STK39: variants seen among roughly 807,000 people sequenced by gnomAD.
STK39 encodes serine/threonine kinase 39.
Under a neutral mutation model 77.8 loss-of-function variants are expected in STK39, and 20 were observed. The observed-to-expected ratio is 0.26, with a 90% CI of 0.18 to 0.37. The LOEUF (loss-of-function observed/expected upper bound fraction) is 0.37, where lower values mean the gene tolerates loss of function less well. Ranked by LOEUF, STK39 falls within the 10% of genes least tolerant of loss-of-function variation. STK39 has a pLI of 1.00. For missense variants in STK39, 479 were observed against 656.5 expected (o/e 0.73, Z 2.95); for synonymous variants, 246 against 234.1 (o/e 1.05, Z -0.47).
rs553701879 is a variant in STK39 at position 168,061,369 on chromosome 2, C to T, written c.1376+2131G>A. 2.8e-4 allele frequency among the ~76,000 whole-genome samples: 43 copies of T among 151,922 alleles called. No individual in the cohort carries two copies. The South Asian group carries it at 7.1e-3, about 25-fold the overall frequency. On this transcript the variant is annotated intron_variant, in intron 14 of 17. Coordinates refer to ENST00000355999, the MANE Select transcript of STK39 (RefSeq NM_013233.3). ...CAAAATAACCACATAAAAAGAGTTA[C>T]GAGATCAAATAGGTTTTAGATTAAA...
chr2:168,118,290 T>G (rs766652461), intron 10 of STK39, among the ~76,000 whole-genome samples: 7 of 152,288 alleles, frequency 4.6e-5, no homozygotes, highest in African/African-American at 9.6e-5. Context: ...CATAATATGT[T>G]TGAAGACTAT....
chr2:168,141,121 C>T (rs1483076077), intron 5 of STK39, among the ~76,000 whole-genome samples: 1 of 152,098 alleles, frequency 6.6e-6, no homozygotes, highest in Non-Finnish European at 1.5e-5. Context: ...ATTTTCTGGA[C>T]AATTTTCATA....
At chr2:168,157,539 G>C (rs1429255812) in intron 5 of STK39, among the ~76,000 whole-genome samples, 1 of 152,158 alleles carries the variant, frequency 6.6e-6, no homozygotes, top group Admixed American at 6.6e-5. Context: ...GGCATCGGCA[G>C]ATTCACTATC....
chr2:167,983,050 T>C (rs1186139794), intron 16 of STK39, among the ~76,000 whole-genome samples: 1 of 152,204 alleles, frequency 6.6e-6, no homozygotes, highest in African/African-American at 2.4e-5. Flanking sequence ...TAGATAATTA[T>C]GGAATGGACG....
At chr2:168,031,660 C>T (rs1340248762) in intron 14 of STK39, among the ~76,000 whole-genome samples, 5 of 152,250 alleles carry the variant, frequency 3.3e-5, no homozygotes, top group South Asian at 4.1e-4. Context: ...GACATGTGCC[C>T]GCACAGAGGA....
intron 10 of STK39, among the ~76,000 whole-genome samples, chr2:168,122,883 C>T (rs909131913): frequency 1.3e-5 from 2 of 152,170 alleles, no homozygotes; most frequent in Non-Finnish European, 2.9e-5. Flanking sequence ...AATATATTCA[C>T]TTTATCTTTT....
At chr2:168,089,342 T>C (rs1048583515) in intron 10 of STK39, among the ~76,000 whole-genome samples, 1 of 152,156 alleles carries the variant, frequency 6.6e-6, no homozygotes, top group Non-Finnish European at 1.5e-5. Context: ...AACAGAAGTA[T>C]CTAAAAATTA....
At chr2:168,225,491 GA>G (rs1690281061) in intron 1 of STK39, among the ~76,000 whole-genome samples, 1 of 152,044 alleles carries the variant, frequency 6.6e-6, no homozygotes, top group Non-Finnish European at 1.5e-5. Context: ...AAATCCAGCA[GA>G]AAAGGCAAGA....
At chr2:168,120,434 T>C (rs1043735767) in intron 10 of STK39, among the ~76,000 whole-genome samples, 4 of 152,350 alleles carry the variant, frequency 2.6e-5, no homozygotes, top group South Asian at 4.1e-4. Flanking sequence ...GCATGTCTTG[T>C]GACGTTTGTG....
intron 17 of STK39, among the ~76,000 whole-genome samples, chr2:167,956,437 G>A (rs1691765504): frequency 6.6e-6 from 1 of 152,002 alleles, no homozygotes; most frequent in Non-Finnish European, 1.5e-5. Flanking sequence ...CACACCTGTA[G>A]TGCCAGCTAC....
At chr2:168,032,324 A>T (rs987705299) in intron 14 of STK39, among the ~76,000 whole-genome samples, 1 of 152,356 alleles carries the variant, frequency 6.6e-6, no homozygotes, top group South Asian at 2.1e-4. Flanking sequence ...CATAACTCAC[A>T]TTTGGATGAT....
At chr2:168,159,701 G>C (rs1261539975) in intron 5 of STK39, among the ~76,000 whole-genome samples, 1 of 152,170 alleles carries the variant, frequency 6.6e-6, no homozygotes, top group Non-Finnish European at 1.5e-5. Flanking sequence ...TTAGGTGCCT[G>C]TCAAGCAGCC....
chr2:168,145,730 T>A (rs915879308), intron 5 of STK39, among the ~76,000 whole-genome samples: 6 of 152,094 alleles, frequency 3.9e-5, no homozygotes, highest in African/African-American at 1.4e-4. Context: ...ACAACCTAGG[T>A]GGTCAGCTGG....
At chr2:168,166,962 A>C (rs1397007277) in intron 3 of STK39, among the ~76,000 whole-genome samples, 1 of 152,090 alleles carries the variant, frequency 6.6e-6, no homozygotes, top group Non-Finnish European at 1.5e-5. Flanking sequence ...AGCACATGGA[A>C]AACAAAGGAG....
intron 13 of STK39, among the ~76,000 whole-genome samples, chr2:168,064,494 T>A (rs1574433573): frequency 6.6e-6 from 1 of 152,336 alleles, no homozygotes; most frequent in South Asian, 2.1e-4. Context: ...TCCCTCTATA[T>A]ATAAGCTATA....
rs16854649 is a variant in STK39 at position 168,075,318 on chromosome 2, C to A, written c.1090-87G>T. On this transcript the variant is annotated intron_variant, in intron 10 of 17. Coordinates refer to ENST00000355999, the MANE Select transcript of STK39 (RefSeq NM_013233.3). ...TGCAACTTGGGTTATACGGCATACA[C>A]ACCAACCTGAAAATAACCTGAGTGG... 3.9e-3 allele frequency: 6,053 copies of A among 1,557,562 alleles called. 222 individuals are homozygous for A. In the African/African-American group the frequency reaches 0.072, roughly 19 times the overall value.
intron 10 of STK39, among the ~76,000 whole-genome samples, chr2:168,091,732 G>A (rs533193228): frequency 1.3e-5 from 2 of 152,036 alleles, no homozygotes; most frequent in South Asian, 2.1e-4. Context: ...GGTGAAAATA[G>A]GATAACAAAC....
At chr2:168,181,103 T>C (rs1689072975) in intron 2 of STK39, among the ~76,000 whole-genome samples, 1 of 152,230 alleles carries the variant, frequency 6.6e-6, no homozygotes. Flanking sequence ...ACTGTCATTA[T>C]ACTTTGTAGC....
intron 1 of STK39, among the ~76,000 whole-genome samples, chr2:168,244,203 A>ACAATACAATAAAGAGAAAACTTT (rs1234153338): frequency 2.6e-5 from 4 of 152,326 alleles, no homozygotes; most frequent in African/African-American, 9.6e-5. Context: ...CACAAGAACA[A>ACAATACAATAAAGAGAAAACTTT]CAATACAATA....
Sources: gnomAD v4.1 joint callset for allele counts (sites outside exome capture counted in the v4.1 genomes callset) on GRCh38, gnomAD v4.1.1 for gene constraint, MANE v1.5 for transcripts, NCBI Gene and HGNC (gene_info 2026-07-23, HGNC 2026-07-21) for gene names.